The following GRIA2 variants were observed in gnomAD, a reference collection of about 807,000 sequenced individuals.
GRIA2 encodes glutamate ionotropic receptor AMPA type subunit 2.
GRIA2 carries 14 observed loss-of-function variants against 97.3 expected under a neutral mutation model. The ratio of observed to expected loss-of-function variants is 0.14; its 90% CI spans 0.10 to 0.23. The LOEUF (loss-of-function observed/expected upper bound fraction) is 0.23. GRIA2 is among the 10% of genes least tolerant of loss of function. The pLI is 1.00. For missense variants in GRIA2, 558 were observed against 1,069.8 expected, an observed-to-expected ratio of 0.52 and a Z score of 6.67; for synonymous variants, 412 against 387.8, an observed-to-expected ratio of 1.06 and a Z score of -0.73.
intron 2 of GRIA2, among the ~76,000 whole-genome samples, chr4:157,249,105 G>A (rs748372937): frequency 6.6e-6 from 1 of 152,020 alleles, no homozygotes; most frequent in African/African-American, 2.4e-5. Flanking sequence ...AAAGTGCTGG[G>A]ATTAAAGGCA....
At chr4:157,265,108 G>A (rs766928338) in intron 2 of GRIA2, among the ~76,000 whole-genome samples, 1 of 152,038 alleles carries the variant, frequency 6.6e-6, no homozygotes, top group African/African-American at 2.4e-5. Context: ...TATTAATAAT[G>A]TATCTTTTCA....
intron 12 of GRIA2, among the ~76,000 whole-genome samples, chr4:157,353,107 C>CT (rs1736089129): frequency 6.6e-6 from 1 of 152,026 alleles, no homozygotes; most frequent in Non-Finnish European, 1.5e-5. Flanking sequence ...AATCCCAGCA[C>CT]TTTGGGAGGC....
intron 2 of GRIA2, among the ~76,000 whole-genome samples, chr4:157,256,086 A>C (rs1731228698): frequency 6.8e-6 from 1 of 147,742 alleles, no homozygotes; most frequent in African/African-American, 2.5e-5. Flanking sequence ...TATAGGTACC[A>C]ATAAAATGTC....
chr4:157,294,060 G>A (rs946566261), intron 2 of GRIA2, among the ~76,000 whole-genome samples: 1 of 152,080 alleles, frequency 6.6e-6, no homozygotes, highest in Non-Finnish European at 1.5e-5. Context: ...GCAGGAACCC[G>A]CTTGCTTACC....
At chr4:157,221,350 C>A in intron 1 of GRIA2, 1 of 557,264 alleles carries the variant, frequency 1.8e-6, no homozygotes, top group Non-Finnish European at 3.2e-6. Context: ...ATTTCGGATC[C>A]CCAAATTTTA....
chr4:157,316,519 G>T (rs1455089758), intron 4 of GRIA2, among the ~76,000 whole-genome samples: 1 of 152,006 alleles, frequency 6.6e-6, no homozygotes, highest in Non-Finnish European at 1.5e-5. Context: ...GTGTAAGAAT[G>T]TTCAAGAGTT....
At chr4:157,338,012 A>T (rs1166271774) in intron 11 of GRIA2, among the ~76,000 whole-genome samples, 1 of 4,412 alleles carries the variant, frequency 2.3e-4, no homozygotes, top group Non-Finnish European at 5.7e-4. Flanking sequence ...ATATGTGTAT[A>T]TATATATATA....
At chr4:157,360,188 C>A (rs1736572950) in intron 13 of GRIA2, 45 bp downstream of exon 13, 1 of 1,574,868 alleles carries the variant, frequency 6.3e-7, no homozygotes, top group Non-Finnish European at 8.7e-7. Context: ...GTTATAGTAT[C>A]CCACCTACCC....
intron 2 of GRIA2, among the ~76,000 whole-genome samples, chr4:157,301,885 A>T (rs985685811): frequency 1.5e-4 from 23 of 152,054 alleles, no homozygotes; most frequent in Non-Finnish European, 8.8e-5. Flanking sequence ...ATTTAAAGCC[A>T]CATATTTGGC....
At chr4:157,354,558 C>T (rs1736163418) in intron 12 of GRIA2, among the ~76,000 whole-genome samples, 1 of 152,250 alleles carries the variant, frequency 6.6e-6, no homozygotes, top group South Asian at 2.1e-4. Context: ...TTAAGAAACA[C>T]AGAGAAGTCA....
At chr4:157,320,026 G>A (rs751926006) in intron 5 of GRIA2, among the ~76,000 whole-genome samples, 2 of 151,864 alleles carry the variant, frequency 1.3e-5, no homozygotes, top group Non-Finnish European at 2.9e-5. Context: ...AGAAAAAGTT[G>A]AAACAAATTA....
intron 15 of GRIA2, 39 bp downstream of exon 15, chr4:157,363,086 T>C (rs2127005243): frequency 6.4e-7 from 1 of 1,563,972 alleles, no homozygotes; most frequent in South Asian, 1.2e-5. Flanking sequence ...TTAGTGCACG[T>C]TTAGCTTTCT....
chr4:157,282,977 G>A (rs1166426661), intron 2 of GRIA2, among the ~76,000 whole-genome samples: 2 of 152,032 alleles, frequency 1.3e-5, no homozygotes, highest in Non-Finnish European at 2.9e-5. Context: ...TCAAATATAT[G>A]TCAGGGAAAT....
At position 157,335,703 on chromosome 4, in the gene GRIA2, T is replaced by A. The variant is rs149002482; in HGVS notation, c.1299T>A (p.His433Gln). The change falls in exon 10 of 16, where the codon CAT becomes CAA. Residue 433 changes from histidine (H) to glutamine (Q), a missense_variant. Coordinates refer to ENST00000264426, the MANE Select transcript of GRIA2 (RefSeq NM_001083619.3). Reference protein sequence around the residue: ...ESPYVMMKKNHEMLEGNERYE... With the variant: ...ESPYVMMKKNQEMLEGNERYE... ...CGTATGTTATGATGAAGAAAAATCA[T>A]GAAATGCTTGAAGGCAATGAGCGCT... is the stretch of plus-strand genomic sequence containing the variant. The A allele has an allele frequency of 1.2e-6, 2 of 1,611,398 alleles. No homozygotes were observed. The highest frequency in any genetic ancestry group is 1.7e-6 in the Non-Finnish European group (2 of 1,177,972).
At chr4:157,333,961 A>G (rs1218508026) in intron 8 of GRIA2, 49 bp from the exon 9 acceptor site, 1 of 855,476 alleles carries the variant, frequency 1.2e-6, no homozygotes, top group Non-Finnish European at 2.0e-6. Context: ...ATGCTTTGCT[A>G]ATAGACAAGT....
rs976258010 is a variant in GRIA2 at position 157,358,405 on chromosome 4, C to A, written c.2044-1491C>A. On this transcript the variant is annotated intron_variant, in intron 12 of 15. Coordinates refer to ENST00000264426, the MANE Select transcript of GRIA2 (RefSeq NM_001083619.3). ...TTTCACTCTCATAGATATGCTTTTA[C>A]AACAGAAAGAAAGCTTGATTCACTA... 6.6e-5 allele frequency among the ~76,000 whole-genome samples: 10 copies of A among 152,076 alleles called. No homozygotes were observed. In the South Asian group the frequency reaches 1.0e-3, roughly 16 times the overall value.
intron 2 of GRIA2, among the ~76,000 whole-genome samples, chr4:157,246,980 G>A (rs539517418): frequency 6.6e-6 from 1 of 152,204 alleles, no homozygotes; most frequent in South Asian, 2.1e-4. Flanking sequence ...TATTTCATAT[G>A]CTTTAACTCA....
chr4:157,310,660 G>T (rs2126881931), intron 3 of GRIA2, among the ~76,000 whole-genome samples: 1 of 151,834 alleles, frequency 6.6e-6, no homozygotes, highest in African/African-American at 2.4e-5. Context: ...ATTATACCTA[G>T]ACAATTAACA....
chr4:157,305,492 T>G (rs1180695950), intron 3 of GRIA2, among the ~76,000 whole-genome samples: 2 of 152,296 alleles, frequency 1.3e-5, no homozygotes, highest in East Asian at 3.9e-4. Flanking sequence ...ATGATGAGGA[T>G]AACATTGAAA....
Sources: allele counts gnomAD v4.1 joint callset (sites outside exome capture counted in the v4.1 genomes callset), GRCh38; gene constraint gnomAD v4.1.1; transcripts MANE v1.5; gene names NCBI Gene and HGNC (gene_info 2026-07-23, HGNC 2026-07-21).